POLR1C: variants seen among roughly 807,000 people sequenced by gnomAD.
POLR1C encodes RNA polymerase I and III subunit C.
A neutral mutation model predicts 38.3 loss-of-function variants in POLR1C; 42 were observed. The observed-to-expected ratio is 1.10, with a 90% confidence interval of 0.86 to 1.42. POLR1C has a LOEUF of 1.42. Ranked by LOEUF, POLR1C falls within the 40% of genes most tolerant of loss-of-function variation. The probability of loss-of-function intolerance (pLI) is 0.00; values close to 1 mark genes in which losing one functional copy is unlikely to be tolerated. For missense variants in POLR1C, 507 were observed against 450.5 expected, an observed-to-expected ratio of 1.13 and a Z score of -1.14; for synonymous variants, 163 against 163.9, an observed-to-expected ratio of 0.99 and a Z score of 0.04.
At chr6:43,557,720 A>G (rs1005800524) in intron 10 of POLR1C, among the ~76,000 whole-genome samples, 2 of 149,022 alleles carry the variant, frequency 1.3e-5, no homozygotes, top group African/African-American at 4.9e-5. Context: ...ACTAAAAACC[A>G]TTAAATTATA....
Position 43,520,337 on chromosome 6 carries a change from A to T in POLR1C, c.565A>T (p.Thr189Ser). 1 of 1,613,512 alleles carries T rather than the reference A, an allele frequency of 6.2e-7. No individual in the cohort carries two copies. The highest frequency in any genetic ancestry group is 8.5e-7 in the Non-Finnish European group (1 of 1,180,036). Residue 189 changes from threonine to serine, a missense_variant, in exon 6 of 9, where the codon ACT becomes TCT. Transcript: ENST00000642195. ...CCAGGCTGATCTCTTTCCAGAGGGC[A>T]CTATCCGACCAGTGCATGATGATAT... ...GNQADLFPEG[T>S]IRPVHDDILI...
rs183250263 is a variant in POLR1C at position 43,556,045 on chromosome 6, C to G, written c.*48+5034C>G. 1.9e-4 allele frequency: 295 copies of G among 1,544,520 alleles called. 2 individuals are homozygous for G. In the African/African-American group the frequency reaches 3.8e-3, roughly 20 times the overall value. On this transcript the variant is annotated intron_variant, in intron 10 of 10. Transcript: ENST00000607635. ...GTACTTAATGTTTATTAATTTACCA[C>G]CCTAGGGGAAAAGCATTCAAAGGAA...
intron 9 of POLR1C, among the ~76,000 whole-genome samples, chr6:43,535,032 C>A (rs1347326547): frequency 6.6e-6 from 1 of 151,078 alleles, no homozygotes; most frequent in Non-Finnish European, 1.5e-5. Context: ...GTGGCTCATG[C>A]CTGTAATCCC....
chr6:43,551,247 ATTAAC>A (rs1399077347), intron 10 of POLR1C: 1 of 1,503,448 alleles, frequency 6.7e-7, no homozygotes, highest in Admixed American at 2.3e-5. Context: ...ATAAATAAAA[ATTAAC>A]TTAGAAATGT....
chr6:43,530,444 C>T (rs946991968), downstream of POLR1C, among the ~76,000 whole-genome samples: 5 of 151,836 alleles, frequency 3.3e-5, no homozygotes, highest in Non-Finnish European at 7.4e-5. Flanking sequence ...AAAGTTTTAT[C>T]TGTAATAATT....
chr6:43,558,043 C>T lies in POLR1C; in HGVS notation c.*49-3357C>T, dbSNP rs144241280. 1.9e-4 allele frequency among the ~76,000 whole-genome samples: 28 copies of T among 150,824 alleles called. No homozygotes were observed. The East Asian group carries it at 5.1e-3, about 27-fold the overall frequency. On this transcript the variant is annotated intron_variant, in intron 10 of 10. Coordinates refer to the POLR1C transcript ENST00000607635. Reference sequence around the variant, plus strand: ...CCAGAAGGCAGAGGTTGTGGTGAGCCGAGATCGCGCCATTGCACTCCAGCC... The same window carrying T: ...CCAGAAGGCAGAGGTTGTGGTGAGCTGAGATCGCGCCATTGCACTCCAGCC...
At chr6:43,550,478 G>C (rs942905994) in intron 9 of POLR1C, among the ~76,000 whole-genome samples, 13 of 152,134 alleles carry the variant, frequency 8.5e-5, no homozygotes, top group African/African-American at 3.1e-4. Context: ...TCCTTCTGTG[G>C]GGGCTTCTCA....
At chr6:43,533,561 A>G, downstream of POLR1C, 1 of 180,662 alleles carries the variant, frequency 5.5e-6, no homozygotes, top group South Asian at 1.2e-4. Flanking sequence ...AGGAACCCAT[A>G]AGAACGCCTG....
downstream of POLR1C, among the ~76,000 whole-genome samples, chr6:43,521,761 C>T (rs1793203990): frequency 6.6e-6 from 1 of 152,162 alleles, no homozygotes; most frequent in African/African-American, 2.4e-5. Flanking sequence ...AAACTCCTGA[C>T]CTCAAGTGAT....
chr6:43,549,529 G>A (rs745727864), intron 9 of POLR1C: 1 of 1,613,204 alleles, frequency 6.2e-7, no homozygotes, highest in Non-Finnish European at 8.5e-7. Context: ...CTTGATGATG[G>A]AGGAACAAGC....
At chr6:43,526,556 G>T in intron 8 of POLR1C, 1 of 1,019,186 alleles carries the variant, frequency 9.8e-7, no homozygotes. Context: ...CAAGAGGGCT[G>T]GTCCAGAGAT....
In POLR1C at chr6:43,520,310, A is replaced by G. The variant is rs1793081722; in HGVS notation, c.538A>G (p.Asn180Asp). 6.2e-7 allele frequency: 1 copy of G among 1,613,026 alleles called. No homozygotes were observed. The highest frequency in any genetic ancestry group is 1.3e-5 in the African/African-American group (1 of 74,894). ...TRHMTWIPLG[N>D]QADLFPEGTI... ...GCATATGACATGGATCCCCCTGGGG[A>G]ACCAGGCTGATCTCTTTCCAGAGGG... Residue 180 changes from asparagine to aspartate, a missense_variant, in exon 6 of 9, where the codon AAC becomes GAC. Transcript: ENST00000642195.
chr6:43,539,614 G>A (rs1794573557), intron 9 of POLR1C: 1 of 1,377,512 alleles, frequency 7.3e-7, no homozygotes, highest in Non-Finnish European at 1.0e-6. Context: ...GGATGCCACT[G>A]GCGAAACCTC....
Position 43,548,142 on chromosome 6 carries a change from A to G in POLR1C, c.*5-2826A>G, listed in dbSNP as rs1017014284. ...AGACTGCTTTTAGAGAACTTCAGAT[A>G]TCATGGATAATGCCATCACACTTCA... On this transcript the variant is annotated intron_variant, in intron 9 of 10. Coordinates refer to the POLR1C transcript ENST00000607635. 7.6e-5 allele frequency: 77 copies of G among 1,011,992 alleles called. No individual in the cohort carries two copies. In the African/African-American group the frequency reaches 1.1e-3, roughly 14 times the overall value. The allele number at this position is 1,011,992 out of a possible 1,614,324, so 62.7% of individuals were successfully genotyped here.
chr6:43,526,919 T>A, intron 8 of POLR1C: 1 of 642,556 alleles, frequency 1.6e-6, no homozygotes, highest in Non-Finnish European at 2.8e-6. Context: ...GGCATTCTGA[T>A]GACCGAACTG....
intron 9 of POLR1C, chr6:43,548,192 T>C: frequency 6.8e-7 from 1 of 1,461,024 alleles, no homozygotes; most frequent in Non-Finnish European, 9.2e-7. Flanking sequence ...TACCCCACCC[T>C]GGGCCTAGCT....
At chr6:43,547,286 T>C (rs993312512) in intron 9 of POLR1C, 32 of 420,606 alleles carry the variant, frequency 7.6e-5, no homozygotes, top group African/African-American at 5.7e-4. Flanking sequence ...AGACTTTACA[T>C]GCCAGAGAGC....
At chr6:43,548,193 G>A in intron 9 of POLR1C, 1 of 1,458,138 alleles carries the variant, frequency 6.9e-7, no homozygotes, top group African/African-American at 1.4e-5. Flanking sequence ...ACCCCACCCT[G>A]GGCCTAGCTC....
chr6:43,523,795 G>C, downstream of POLR1C: 1 of 1,611,936 alleles, frequency 6.2e-7, no homozygotes, highest in African/African-American at 1.3e-5. Flanking sequence ...GTGCAAGAAG[G>C]GCCTAGAGAT....
Sources: allele counts gnomAD v4.1 joint callset (sites outside exome capture counted in the v4.1 genomes callset), GRCh38; gene constraint gnomAD v4.1.1; transcripts MANE v1.5; gene names NCBI Gene and HGNC (gene_info 2026-07-23, HGNC 2026-07-21).